Variants in BRSK2 observed in about 807,000 individuals in gnomAD.
BRSK2 encodes BR serine/threonine kinase 2, also known as serine/threonine-protein kinase BRSK2.
A neutral mutation model predicts 83.3 loss-of-function variants in BRSK2; 19 were observed. The ratio of observed to expected loss-of-function variants is 0.23; its 90% CI spans 0.16 to 0.33. BRSK2 has a LOEUF of 0.33. Ranked by LOEUF, BRSK2 falls within the 10% of genes least tolerant of loss-of-function variation. The pLI is 1.00. For missense variants in BRSK2, 798 were observed against 1,042.3 expected (o/e 0.77, Z 3.23); for synonymous variants, 519 against 435.4 (o/e 1.19, Z -2.39).
intron 1 of BRSK2, among the ~76,000 whole-genome samples, chr11:1,408,350 A>G (rs552210094): frequency 6.6e-6 from 1 of 152,316 alleles, no homozygotes; most frequent in African/African-American, 2.4e-5. Context: ...GGTGGAGTCC[A>G]GGGTCCCAGG....
intron 4 of BRSK2, 116 bp downstream of exon 4, chr11:1,441,044 C>A: frequency 1.1e-6 from 1 of 878,114 alleles, no homozygotes; most frequent in Non-Finnish European, 1.7e-6. Context: ...TTCCGAGGTA[C>A]ACCATGCCCC....
chr11:1,424,006 G>A (rs866117383), intron 1 of BRSK2, among the ~76,000 whole-genome samples: 2 of 152,112 alleles, frequency 1.3e-5, no homozygotes, highest in African/African-American at 2.4e-5. Context: ...CCCCAAATCT[G>A]GGGCTATGTT....
intron 12 of BRSK2, among the ~76,000 whole-genome samples, chr11:1,447,313 C>CA (rs1173949455): frequency 4.6e-5 from 7 of 152,350 alleles, no homozygotes; most frequent in Admixed American, 4.6e-4. Context: ...CCCGACCCTG[C>CA]AGGGCAGGCC....
chr11:1,435,017 G>C (rs908089954), intron 1 of BRSK2, among the ~76,000 whole-genome samples: 3 of 151,538 alleles, frequency 2.0e-5, no homozygotes, highest in African/African-American at 7.3e-5. Flanking sequence ...CGCGGAGGGG[G>C]ACCGGGACCG....
At chr11:1,452,999 G>A (rs1845991746) in intron 15 of BRSK2, among the ~76,000 whole-genome samples, 1 of 152,244 alleles carries the variant, frequency 6.6e-6, no homozygotes, top group South Asian at 2.1e-4. Context: ...ACTCAGGGCT[G>A]ATGTCCTTGA....
chr11:1,438,279 T>C lies in BRSK2; in HGVS notation c.187-27T>C. ...GATGCGTGCCCCAGCCCTGTGAGCG[T>C]GATGTTCTCTGGCCTCTCCCATGCA... On this transcript the variant is annotated intron_variant, in intron 2 of 19. Transcript: ENST00000528841. The surrounding 1 kb of genome is among the most constrained non-coding windows in gnomAD (Gnocchi z 6.4). The C allele has an allele frequency of 1.9e-6, 3 of 1,610,070 alleles. No homozygotes were observed.
chr11:1,460,461 CTTTTT>C (rs398015179), intron 19 of BRSK2, 34 bp from the exon 20 acceptor site: 296 of 541,118 alleles, frequency 5.5e-4, no homozygotes, highest in Middle Eastern at 1.6e-3. Context: ...TTCTTTTTTC[CTTTTT>C]TTTTTTTTTT....
chr11:1,444,842 C>G (rs989193160), intron 8 of BRSK2, 129 bp from the exon 9 acceptor site: 4 of 808,588 alleles, frequency 4.9e-6, no homozygotes, highest in African/African-American at 3.4e-5. Context: ...CACCTTCCCC[C>G]CACTCACTTG....
chr11:1,458,021 C>T (rs1846857440), intron 18 of BRSK2, among the ~76,000 whole-genome samples: 2 of 152,182 alleles, frequency 1.3e-5, no homozygotes, highest in African/African-American at 4.8e-5. Context: ...CGGCCGGCAG[C>T]AGCCTCTGGC....
Position 1,412,382 on chromosome 11 carries a change from C to T in BRSK2, c.91+22007C>T, listed in dbSNP as rs1257877888. 3.8e-3 allele frequency among the ~76,000 whole-genome samples: 79 copies of T among 21,046 alleles called. 8 individuals carry two copies. Among genetic ancestry groups the T allele is most frequent in the Admixed American group, 7.1e-3 (15 of 2,110 alleles). 13.8% of individuals were successfully genotyped at this position (21,046 alleles called of 152,430 possible). ...GCGGTGGGTGGAGTCTCAGCTGCGC[C>T]GCCCCGTCCTGCGGTGGGTGGAGTC... On this transcript the variant is annotated intron_variant, in intron 1 of 19. Transcript: ENST00000528841.
At chr11:1,453,150 TAAGTTC>T (rs1398214819) in intron 15 of BRSK2, among the ~76,000 whole-genome samples, 2 of 152,210 alleles carry the variant, frequency 1.3e-5, no homozygotes, top group Non-Finnish European at 2.9e-5. Flanking sequence ...GCGACTGATT[TAAGTTC>T]GTCTCATCTA....
rs1288607574 is a variant in BRSK2 at position 1,423,174 on chromosome 11, G to A, written c.92-12866G>A. ...CCTCCCCCAGAGCGGTGCCTCGTGGGGGATGCGGTGCCTCGTGGGGGACAT... is the reference window on the plus strand; with the variant it reads ...CCTCCCCCAGAGCGGTGCCTCGTGGAGGATGCGGTGCCTCGTGGGGGACAT... On this transcript the variant is annotated intron_variant, in intron 1 of 19. Transcript: ENST00000528841. The surrounding 1 kb of genome is among the most constrained non-coding windows in gnomAD (Gnocchi z 6.5). Among the ~76,000 whole-genome samples the A allele has an allele frequency of 6.6e-6, 1 of 152,012 alleles. No homozygotes were observed. The highest frequency in any genetic ancestry group is 6.6e-5 in the Admixed American group (1 of 15,258).
intron 1 of BRSK2, chr11:1,411,388 G>A (rs751013596): frequency 2.7e-6 from 4 of 1,456,004 alleles, no homozygotes; most frequent in Non-Finnish European, 2.7e-6. Context: ...AGCCTGGTAG[G>A]GCACCAGCCT....
chr11:1,457,154 G>A (rs911052568), intron 18 of BRSK2: 10 of 1,074,358 alleles, frequency 9.3e-6, no homozygotes, highest in Middle Eastern at 3.1e-4. Context: ...CACAGGTCTC[G>A]GCCCTGGACA....
At chr11:1,460,450 T>A in intron 19 of BRSK2, 50 bp from the exon 20 acceptor site, 1 of 1,189,260 alleles carries the variant, frequency 8.4e-7, no homozygotes, top group Admixed American at 4.2e-5. Flanking sequence ...CCCCCTTTTT[T>A]TTCTTTTTTC....
At chr11:1,449,985 C>T (rs1271458529) in intron 13 of BRSK2, 149 bp downstream of exon 13, 1 of 601,360 alleles carries the variant, frequency 1.7e-6, no homozygotes, top group East Asian at 2.9e-5. Context: ...GGCTGCTGCT[C>T]TGTGGCGCAG....
At chr11:1,448,667 G>A (rs1377022858) in intron 12 of BRSK2, among the ~76,000 whole-genome samples, 2 of 152,204 alleles carry the variant, frequency 1.3e-5, no homozygotes, top group South Asian at 2.1e-4. Context: ...GGCTGTCCGC[G>A]CTCCCAGCTC....
intron 1 of BRSK2, among the ~76,000 whole-genome samples, chr11:1,425,851 G>A (rs1364172929): frequency 6.6e-6 from 1 of 152,212 alleles, no homozygotes; most frequent in Non-Finnish European, 1.5e-5. Flanking sequence ...GATGGGAAGA[G>A]GTGTGGGGCA....
chr11:1,442,613 GGCCC>G lies in BRSK2; in HGVS notation c.530+8_530+11del. 6.2e-7 allele frequency: 1 copy of G among 1,604,720 alleles called. No individual in the cohort carries two copies. The highest frequency in any genetic ancestry group is 8.5e-7 in the Non-Finnish European group (1 of 1,172,602). On this transcript the variant is annotated splice_region_variant and intron_variant, in intron 5 of 19. Coordinates refer to ENST00000528841, the MANE Select transcript of BRSK2 (RefSeq NM_001256627.2). ...TGTTGGAGACCAGCTGTGGGTACGT[GGCCC>G]TCTGCCCTGGAGAGAGGCTGGGGGA...
Sources: allele counts gnomAD v4.1 joint callset (sites outside exome capture counted in the v4.1 genomes callset), GRCh38; gene constraint gnomAD v4.1.1; non-coding constraint Gnocchi (gnomAD v3.1); transcripts MANE v1.5; gene names NCBI Gene and HGNC (gene_info 2026-07-23, HGNC 2026-07-21).